XRCC5: variants seen among roughly 807,000 people sequenced by gnomAD.
XRCC5 encodes X-ray repair cross complementing 5.
In XRCC5, 12 loss-of-function variants were observed where a neutral mutation model predicts 95.7. That is an observed-to-expected ratio of 0.13 (90% confidence interval 0.08 to 0.20). The LOEUF (loss-of-function observed/expected upper bound fraction) is 0.20. Ranked by LOEUF, XRCC5 falls within the 10% of genes least tolerant of loss-of-function variation. The probability of loss-of-function intolerance (pLI) is 1.00; values close to 1 mark genes in which losing one functional copy is unlikely to be tolerated. For synonymous variants in XRCC5, 281 were observed against 290.3 expected, an observed-to-expected ratio of 0.97 and a Z score of 0.33; for missense variants, 595 against 873.9, an observed-to-expected ratio of 0.68 and a Z score of 4.02.
rs754826155 is a variant in XRCC5, at chr2:216,148,065, C to T, written c.1477-18C>T. On this transcript the variant is annotated intron_variant, in intron 13 of 20. Transcript: ENST00000392132. ...TATGTCTCCATCTGTGTTTTAAAAT[C>T]CTTACTTTTTCCAACAGTGTCTGCT... 6.3e-7 allele frequency: 1 copy of T among 1,594,656 alleles called. No individual in the cohort carries two copies. The highest frequency in any genetic ancestry group is 2.2e-5 in the East Asian group (1 of 44,490).
chr2:216,128,335 G>T lies in XRCC5; in HGVS notation c.937+661G>T, dbSNP rs928012544. ...GTTTTGCCAGGCTATTCACTACCCAGTATAGTTTTGATTTGCAAGTCTTGA... is the reference window on the plus strand; with the variant it reads ...GTTTTGCCAGGCTATTCACTACCCATTATAGTTTTGATTTGCAAGTCTTGA... On this transcript the variant is annotated intron_variant, in intron 8 of 20. Transcript: ENST00000392132. 3.3e-5 allele frequency among the ~76,000 whole-genome samples: 5 copies of T among 152,144 alleles called. No individual in the cohort carries two copies. In the South Asian group the frequency reaches 8.3e-4, roughly 25 times the overall value.
At chr2:216,144,483 C>T (rs1339645911) in intron 13 of XRCC5, among the ~76,000 whole-genome samples, 2 of 152,112 alleles carry the variant, frequency 1.3e-5, no homozygotes, top group Non-Finnish European at 2.9e-5. Context: ...AGACGAGAAT[C>T]AATTCTTAAG....
At chr2:216,117,839 A>G (rs200891816) in intron 4 of XRCC5, 45 bp downstream of exon 4, 2 of 1,579,074 alleles carry the variant, frequency 1.3e-6, no homozygotes, top group African/African-American at 2.7e-5. Context: ...CTTTTTGCAA[A>G]AATTGTATGG....
At chr2:216,150,726 T>G (rs1688726047) in intron 14 of XRCC5, among the ~76,000 whole-genome samples, 4 of 151,912 alleles carry the variant, frequency 2.6e-5, no homozygotes, top group African/African-American at 9.7e-5. Flanking sequence ...CCATCTCTAC[T>G]AAAAATACAA....
chr2:216,194,790 G>A, intron 18 of XRCC5, 129 bp from the exon 19 acceptor site: 2 of 858,146 alleles, frequency 2.3e-6, no homozygotes, highest in Non-Finnish European at 3.8e-6. Flanking sequence ...GGGCAACATA[G>A]TGGGACCCTG....
At chr2:216,162,157 T>C in intron 16 of XRCC5, 109 bp downstream of exon 16, 3 of 1,042,416 alleles carry the variant, frequency 2.9e-6, no homozygotes, top group Non-Finnish European at 4.4e-6. Flanking sequence ...CATTTTTCTT[T>C]ACTGGCGGAT....
chr2:216,176,211 C>T (rs1363489584), intron 16 of XRCC5, among the ~76,000 whole-genome samples: 1 of 152,102 alleles, frequency 6.6e-6, no homozygotes, highest in African/African-American at 2.4e-5. Context: ...CTCTGTCTCC[C>T]GGGTTCAAGC....
rs76128642 is a variant in XRCC5 at position 216,144,806 on chromosome 2, A to T, written c.1477-3277A>T. Among the ~76,000 whole-genome samples the T allele has an allele frequency of 5.4e-3, 829 of 152,342 alleles. 7 individuals carry two copies. Among genetic ancestry groups the T allele is most frequent in the African/African-American group, 0.019 (775 of 41,566 alleles). ...TGAGGCAGAAAGACAAGTGAGTAAG[A>T]TTGTCTGGGAGAGCACACTGGGTGA... On this transcript the variant is annotated intron_variant, in intron 13 of 20. Transcript: ENST00000392132.
At chr2:216,158,054 G>A (rs1688879875) in intron 14 of XRCC5, among the ~76,000 whole-genome samples, 1 of 152,134 alleles carries the variant, frequency 6.6e-6, no homozygotes, top group South Asian at 2.1e-4. Flanking sequence ...TTACTTGCCT[G>A]GTACGGGAAA....
intron 2 of XRCC5, among the ~76,000 whole-genome samples, chr2:216,113,971 TC>T (rs1046507256): frequency 6.6e-6 from 1 of 151,954 alleles, no homozygotes; most frequent in Non-Finnish European, 1.5e-5. Flanking sequence ...AGAATTAGAC[TC>T]CCTCTCTTGA....
intron 19 of XRCC5, among the ~76,000 whole-genome samples, chr2:216,200,252 C>T (rs1689811376): frequency 6.6e-6 from 1 of 152,144 alleles, no homozygotes; most frequent in African/African-American, 2.4e-5. Flanking sequence ...TTCAAGAGTA[C>T]ATCTGGTTCT....
In XRCC5 at chr2:216,148,069, A is replaced by G. The variant is rs200406051; in HGVS notation, c.1477-14A>G. 15 of 1,595,442 alleles carry G rather than the reference A, an allele frequency of 9.4e-6. No homozygotes were observed. The highest frequency in any genetic ancestry group is 1.7e-4 in the Middle Eastern group (1 of 6,006). Reference sequence around the variant, plus strand: ...TCTCCATCTGTGTTTTAAAATCCTTACTTTTTCCAACAGTGTCTGCTGCAC... The same window carrying G: ...TCTCCATCTGTGTTTTAAAATCCTTGCTTTTTCCAACAGTGTCTGCTGCAC... On this transcript the variant is annotated splice_polypyrimidine_tract_variant and intron_variant, in intron 13 of 20. Transcript: ENST00000392132.
rs1022299609 is a variant in XRCC5, at chr2:216,134,681, C to G, written c.1113+2294C>G. On this transcript the variant is annotated intron_variant, in intron 10 of 20. Transcript: ENST00000392132. ...TGACCTCAGGTGATCCACCCCCCCC[C>G]CTCCTCGGCCTCCCAAAGTGTTGGG... is the stretch of plus-strand genomic sequence containing the variant. 9.8e-4 allele frequency among the ~76,000 whole-genome samples: 148 copies of G among 151,102 alleles called. 1 individual carries two copies. Among genetic ancestry groups the G allele is most frequent in the African/African-American group, 3.3e-3 (135 of 40,828 alleles).
At chr2:216,197,392 C>A (rs1689745080) in intron 19 of XRCC5, among the ~76,000 whole-genome samples, 2 of 149,958 alleles carry the variant, frequency 1.3e-5, no homozygotes, top group African/African-American at 4.9e-5. Flanking sequence ...TTGGGGTGAG[C>A]CGAGATCGCG....
At chr2:216,197,322 G>A (rs10490363) in intron 19 of XRCC5, among the ~76,000 whole-genome samples, 54,825 of 151,708 alleles carry the variant, frequency 0.36, 10,915 homozygotes, top group East Asian at 0.73. Flanking sequence ...ACTGATGTTA[G>A]TTGTAGTTTA....
chr2:216,117,895 C>A (rs1696730644), intron 4 of XRCC5, 101 bp downstream of exon 4: 1 of 1,221,892 alleles, frequency 8.2e-7, no homozygotes, highest in Non-Finnish European at 1.2e-6. Flanking sequence ...AATCAAGCTG[C>A]ATGTTTGTGT....
At chr2:216,122,669 T>TC (rs1696831294) in intron 6 of XRCC5, among the ~76,000 whole-genome samples, 2 of 151,868 alleles carry the variant, frequency 1.3e-5, no homozygotes, top group Middle Eastern at 3.4e-3. Context: ...CTTCTTATCA[T>TC]CCTATTAAGG....
At chr2:216,200,333 T>C (rs905330231) in intron 19 of XRCC5, among the ~76,000 whole-genome samples, 2 of 152,232 alleles carry the variant, frequency 1.3e-5, no homozygotes, top group Non-Finnish European at 2.9e-5. Context: ...GAATCATTTC[T>C]TGAGAGCAGT....
In XRCC5 at chr2:216,122,228, G is replaced by A; in HGVS notation, c.658G>A (p.Gly220Arg). The A allele has an allele frequency of 6.2e-7, 1 of 1,611,250 alleles. No homozygotes were observed. Among genetic ancestry groups the A allele is most frequent in the Non-Finnish European group, 8.5e-7 (1 of 1,179,110 alleles). ...GATGATATCTTTAGAAGGTGAAGATGGGTTGGATGAAATTTATTCATTCAG... is the reference window on the plus strand; with the variant it reads ...GATGATATCTTTAGAAGGTGAAGATAGGTTGGATGAAATTTATTCATTCAG... ...MVMISLEGED[G>R]LDEIYSFSES... Residue 220 changes from glycine (G) to arginine (R), a missense_variant, in exon 6 of 21, where the codon GGG (glycine) becomes AGG (arginine). By Grantham distance (125) the Gly-to-Arg change is moderately radical (BLOSUM62 -2). This residue lies in a region of XRCC5 where 286 missense variants were observed against 491.1 expected (regional missense o/e 0.58). Transcript: ENST00000392132.
Sources: gnomAD v4.1 joint callset for allele counts (sites outside exome capture counted in the v4.1 genomes callset) on GRCh38, gnomAD v4.1.1 for gene constraint, gnomAD v4.1.1 regional missense constraint, MANE v1.5 for transcripts, NCBI Gene and HGNC (gene_info 2026-07-23, HGNC 2026-07-21) for gene names.